Variants in CRACR2A observed in about 807,000 individuals in gnomAD.
The protein encoded by CRACR2A is EF-hand calcium-binding domain-containing protein 4B.
In CRACR2A, 79 loss-of-function variants were observed where a neutral mutation model predicts 90.5. That is an observed-to-expected ratio of 0.87 (90% CI 0.73 to 1.05). The LOEUF (loss-of-function observed/expected upper bound fraction) is 1.05, where lower values mean the gene tolerates loss of function less well. CRACR2A is among the 50% of genes least tolerant of loss of function. The pLI is 0.00. For synonymous variants in CRACR2A, 338 were observed against 356.7 expected (o/e 0.95, Z 0.59); for missense variants, 823 against 897.2 (o/e 0.92, Z 1.06).
At chr12:3,680,153 C>T (rs574431444) in intron 5 of CRACR2A, 85 bp downstream of exon 5, 1 of 1,111,878 alleles carries the variant, frequency 9.0e-7, no homozygotes, top group Non-Finnish European at 1.3e-6. Flanking sequence ...ACCTGCCCCC[C>T]AGGTCTACAA....
At chr12:3,621,422 G>A (rs1944130831) in intron 17 of CRACR2A, among the ~76,000 whole-genome samples, 1 of 148,390 alleles carries the variant, frequency 6.7e-6, no homozygotes, top group African/African-American at 2.5e-5. Flanking sequence ...GGGAGGCCGA[G>A]GTGGGTGGAT....
intron 17 of CRACR2A, among the ~76,000 whole-genome samples, chr12:3,626,866 G>A (rs1303404374): frequency 6.6e-6 from 1 of 152,102 alleles, no homozygotes; most frequent in Non-Finnish European, 1.5e-5. Context: ...GTTGCTCTTG[G>A]GCCCTGCCAA....
Position 3,654,340 on chromosome 12 carries a change from G to A in CRACR2A, c.918C>T (p.Thr306=). The A allele has an allele frequency of 6.2e-7, 1 of 1,613,906 alleles. No individual in the cohort carries two copies. Among genetic ancestry groups the A allele is most frequent in the Non-Finnish European group, 8.5e-7 (1 of 1,179,926 alleles). ...HDKHETKAEN[T]KLKLTNQELA... is the part of the protein sequence containing the mutation. Reference sequence around the variant, plus strand: ...GCTCCTGGTTAGTGAGTTTCAGCTTGGTATTCTCAGCCTTGGTCTCATGCT... The same window carrying A: ...GCTCCTGGTTAGTGAGTTTCAGCTTAGTATTCTCAGCCTTGGTCTCATGCT... The change falls in exon 10 of 20, where the codon ACC becomes ACT. Residue 306 remains threonine, a synonymous_variant. Coordinates refer to ENST00000440314, the MANE Select transcript of CRACR2A (RefSeq NM_001144958.2).
intron 12 of CRACR2A, among the ~76,000 whole-genome samples, chr12:3,643,489 G>A (rs972237051): frequency 6.6e-6 from 1 of 151,926 alleles, no homozygotes; most frequent in Non-Finnish European, 1.5e-5. Flanking sequence ...GGACCCACAT[G>A]AAATTCATAG....
chr12:3,691,304 T>C (rs1945647513), intron 4 of CRACR2A, among the ~76,000 whole-genome samples: 1 of 152,236 alleles, frequency 6.6e-6, no homozygotes, highest in Admixed American at 6.5e-5. Context: ...TCATATTTAG[T>C]GCTTCCTTCA....
intron 1 of CRACR2A, among the ~76,000 whole-genome samples, chr12:3,738,797 C>A (rs2137887573): frequency 6.6e-6 from 1 of 152,218 alleles, no homozygotes; most frequent in South Asian, 2.1e-4. Context: ...AATCCATAAG[C>A]AGACACATGT....
intron 2 of CRACR2A, among the ~76,000 whole-genome samples, chr12:3,720,355 G>A (rs1048153180): frequency 2.6e-5 from 3 of 116,568 alleles, no homozygotes; most frequent in African/African-American, 9.6e-5. Context: ...AAAGAAAAAG[G>A]AAAGAAAGAG....
intron 2 of CRACR2A, among the ~76,000 whole-genome samples, chr12:3,717,130 C>T (rs993264952): frequency 5.3e-5 from 8 of 152,074 alleles, no homozygotes; most frequent in Admixed American, 3.9e-4. Flanking sequence ...GGTTTGGATG[C>T]TCTTCAGGAT....
chr12:3,640,682 C>G, intron 13 of CRACR2A: 1 of 1,305,294 alleles, frequency 7.7e-7, no homozygotes, highest in Non-Finnish European at 1.0e-6. Flanking sequence ...AGAGTCACTT[C>G]CGCTTTGCAT....
intron 8 of CRACR2A, among the ~76,000 whole-genome samples, chr12:3,657,812 C>A (rs965305822): frequency 1.3e-5 from 2 of 152,130 alleles, no homozygotes; most frequent in Admixed American, 1.3e-4. Context: ...CCTCACAATG[C>A]GCCAGGACAG....
chr12:3,632,086 C>T (rs772603604), intron 15 of CRACR2A, among the ~76,000 whole-genome samples: 1 of 152,078 alleles, frequency 6.6e-6, no homozygotes, highest in Non-Finnish European at 1.5e-5. Context: ...TAGCACCTTC[C>T]CTTTGGTGCT....
chr12:3,693,983 C>T (rs1009393905), intron 4 of CRACR2A, among the ~76,000 whole-genome samples: 10 of 152,132 alleles, frequency 6.6e-5, no homozygotes, highest in South Asian at 2.1e-4. Context: ...TCCAGGGGCC[C>T]GTGGAGAGAG....
chr12:3,678,898 T>C lies in CRACR2A; in HGVS notation c.524+17A>G. ...ACCAGGCTGGTCTCCGTTCTACAAA[T>C]CACTGTCACCACTTACTCTTCCAAC... is the stretch of plus-strand genomic sequence containing the variant. On this transcript the variant is annotated intron_variant, in intron 6 of 19. Coordinates refer to ENST00000440314, the MANE Select transcript of CRACR2A (RefSeq NM_001144958.2). 1.3e-6 allele frequency: 2 copies of C among 1,588,632 alleles called. No homozygotes were observed. Among genetic ancestry groups the C allele is most frequent in the Middle Eastern group, 3.4e-4 (2 of 5,948 alleles).
intron 6 of CRACR2A, among the ~76,000 whole-genome samples, chr12:3,678,242 T>G (rs896797097): frequency 4.6e-5 from 7 of 152,232 alleles, no homozygotes; most frequent in African/African-American, 1.7e-4. Flanking sequence ...CTTAGATCCC[T>G]GTGTCTATTC....
intron 11 of CRACR2A, chr12:3,648,334 G>C: frequency 6.8e-7 from 1 of 1,473,338 alleles, no homozygotes; most frequent in Non-Finnish European, 9.0e-7. Context: ...GGAATAAACT[G>C]GATGTGGGCG....
intron 7 of CRACR2A, among the ~76,000 whole-genome samples, chr12:3,660,829 AACACACACACACACACACAC>A (rs58293233): frequency 0.018 from 2,104 of 119,706 alleles, 32 homozygotes; most frequent in Non-Finnish European, 0.026. Context: ...CTGAACATGC[AACACACACACACACACACAC>A]ACACACACAC....
At chr12:3,670,056 A>G (rs1026738220) in intron 7 of CRACR2A, among the ~76,000 whole-genome samples, 1 of 152,176 alleles carries the variant, frequency 6.6e-6, no homozygotes, top group African/African-American at 2.4e-5. Context: ...TCTAAGCGCT[A>G]TCTCCTTGGT....
intron 1 of CRACR2A, among the ~76,000 whole-genome samples, chr12:3,735,412 C>T (rs373703360): frequency 7.9e-5 from 12 of 152,120 alleles, no homozygotes; most frequent in African/African-American, 2.2e-4. Context: ...TGAAGGGAGA[C>T]AAGAAAACTG....
intron 1 of CRACR2A, among the ~76,000 whole-genome samples, chr12:3,744,936 T>A (rs1946587103): frequency 6.6e-6 from 1 of 152,220 alleles, no homozygotes; most frequent in Non-Finnish European, 1.5e-5. Flanking sequence ...AAATGATACA[T>A]TTTATGTTAT....
Sources: gnomAD v4.1 joint callset for allele counts (sites outside exome capture counted in the v4.1 genomes callset) on GRCh38, gnomAD v4.1.1 for gene constraint, MANE v1.5 for transcripts, NCBI Gene and HGNC (gene_info 2026-07-23, HGNC 2026-07-21) for gene names.